The following VPS11 variants were observed in gnomAD, a reference collection of about 807,000 sequenced individuals.
VPS11 encodes the protein VPS11 core subunit of CORVET and HOPS complexes.
Under a neutral mutation model 106.8 loss-of-function variants are expected in VPS11, and 51 were observed. The ratio of observed to expected loss-of-function variants is 0.48; its 90% confidence interval spans 0.38 to 0.60. The LOEUF (loss-of-function observed/expected upper bound fraction) is 0.60, where lower values mean the gene tolerates loss of function less well. VPS11 is among the 20% of genes least tolerant of loss of function. The probability of loss-of-function intolerance (pLI) is 0.00; values close to 1 mark genes in which losing one functional copy is unlikely to be tolerated. For missense variants in VPS11, 950 were observed against 1,190.0 expected (o/e 0.80, Z 2.97); for synonymous variants, 453 against 458.7 (o/e 0.99, Z 0.16).
rs1945857888 is a variant in VPS11, at chr11:119,081,674, C to T, written c.*51C>T. The T allele has an allele frequency of 1.3e-6, 2 of 1,599,048 alleles. No homozygotes were observed. Among genetic ancestry groups the T allele is most frequent in the East Asian group, 2.2e-5 (1 of 44,484 alleles). ...CAGTGGAGGACCAAGAGAACAGACA[C>T]AATGGGACCTGGGCGGGCGTTACAC... On this transcript the variant is annotated 3_prime_UTR_variant, in exon 16 of 16. Coordinates refer to ENST00000621676, the MANE Select transcript of VPS11 (RefSeq NM_021729.6).
intron 7 of VPS11, 162 bp from the exon 8 acceptor site, chr11:119,076,735 C>T (rs1945635066): frequency 2.5e-6 from 2 of 815,282 alleles, no homozygotes; most frequent in African/African-American, 1.7e-5. Context: ...CTAGTAGCAC[C>T]GATATTACCT....
chr11:119,071,495 A>G (rs782791750), intron 4 of VPS11, 101 bp from the exon 5 acceptor site: 36 of 1,462,778 alleles, frequency 2.5e-5, no homozygotes, highest in Non-Finnish European at 2.9e-5. Flanking sequence ...TTAGAATGCC[A>G]AGAGGGAAAA....
In VPS11 at chr11:119,076,917, C is replaced by T. The variant is rs782751048; in HGVS notation, c.1259C>T (p.Pro420Leu). 6.2e-7 allele frequency: 1 copy of T among 1,613,990 alleles called. No homozygotes were observed. Among genetic ancestry groups the T allele is most frequent in the Non-Finnish European group, 8.5e-7 (1 of 1,179,888 alleles). Residue 420 changes from proline to leucine, a missense_variant, in exon 8 of 16, where the codon CCA (proline) becomes CTA (leucine). By Grantham distance (98) the Pro-to-Leu change is moderately conservative. This residue lies in a region of VPS11 where 435 missense variants were observed against 630.2 expected (regional missense o/e 0.69). Coordinates refer to ENST00000621676, the MANE Select transcript of VPS11 (RefSeq NM_021729.6). ...CCTAGAACCATTGGAAAGTTGGAGC[C>T]ATCCTACGTGATCCGCAAGTTTCTG... ...QYIRTIGKLEPSYVIRKFLDA... is the reference protein window; with the variant it reads ...QYIRTIGKLELSYVIRKFLDA...
chr11:119,072,980 C>G, intron 5 of VPS11: 3 of 572,250 alleles, frequency 5.2e-6, no homozygotes, highest in Non-Finnish European at 9.3e-6. Flanking sequence ...ATTTTCTAAT[C>G]TGTTACTTGG....
rs1035411150 is a variant in VPS11 at position 119,077,662 on chromosome 11, C to CT, written c.1572+21dup. 34 of 1,574,700 alleles carry CT rather than the reference C, an allele frequency of 2.2e-5. No homozygotes were observed. The highest frequency in any genetic ancestry group is 2.8e-5 in the Non-Finnish European group (32 of 1,159,952). On this transcript the variant is annotated intron_variant, in intron 9 of 15. Coordinates refer to ENST00000621676, the MANE Select transcript of VPS11 (RefSeq NM_021729.6). ...AAGACATTAAGGTAGGTGAGACTGT[C>CT]TTTTTTCCCCAAGAGACAGGGTCTC...
chr11:119,077,771 A>C (rs1945683962), intron 9 of VPS11, 107 bp from the exon 10 acceptor site: 2 of 1,553,002 alleles, frequency 1.3e-6, no homozygotes, highest in African/African-American at 1.4e-5. Context: ...GAGACTCTCA[A>C]CTTGGGCAGA....
intron 15 of VPS11, 57 bp downstream of exon 15, chr11:119,081,371 T>C: frequency 3.1e-6 from 5 of 1,611,178 alleles, no homozygotes; most frequent in Non-Finnish European, 2.5e-6. Flanking sequence ...ACAGAGTCAC[T>C]GGAGGGCTTG....
At chr11:119,068,994 G>GGTGATC (rs1945247428) in intron 1 of VPS11, among the ~76,000 whole-genome samples, 4 of 12,224 alleles carry the variant, frequency 3.3e-4, no homozygotes, top group African/African-American at 1.7e-3. Flanking sequence ...CAGGTGATCC[G>GGTGATC]CACCCCCCCC....
intron 13 of VPS11, 59 bp from the exon 14 acceptor site, chr11:119,079,070 T>A: frequency 6.2e-7 from 1 of 1,612,088 alleles, no homozygotes. Flanking sequence ...CCTTCACCTT[T>A]ATCCAGAGAG....
In VPS11 at chr11:119,078,640, C is replaced by T; in HGVS notation, c.1999C>T (p.Leu667=). 6.2e-7 allele frequency: 1 copy of T among 1,613,830 alleles called. No homozygotes were observed. Among genetic ancestry groups the T allele is most frequent in the Non-Finnish European group, 8.5e-7 (1 of 1,179,750 alleles). ...GRFCDVFDKA[L]VLCQMHDFQD... ...CTTCTGCGACGTCTTTGACAAGGCCCTGGTCCTGTGCCAGATGCACGACTT... is the reference window on the plus strand; with the variant it reads ...CTTCTGCGACGTCTTTGACAAGGCCTTGGTCCTGTGCCAGATGCACGACTT... Residue 667 remains leucine, a synonymous_variant, in exon 12 of 16, where the codon CTG becomes TTG. Transcript: ENST00000621676.
Position 119,073,302 on chromosome 11 carries a change from T to C in VPS11, c.989T>C (p.Val330Ala), listed in dbSNP as rs782407551. 4.3e-6 allele frequency: 7 copies of C among 1,613,922 alleles called. No homozygotes were observed. Among genetic ancestry groups the C allele is most frequent in the Non-Finnish European group, 5.9e-6 (7 of 1,179,894 alleles). Residue 330 changes from valine (V) to alanine (A), a missense_variant, in exon 6 of 16, where the codon GTA (valine) becomes GCA (alanine). By Grantham distance (64) the Val-to-Ala change is moderately conservative. Transcript: ENST00000621676. ...GCCTATAGCACCGTCTTTGAGGATGTAGTGGATGTGCTTGCTGAGTGGGGC... is the reference window on the plus strand; with the variant it reads ...GCCTATAGCACCGTCTTTGAGGATGCAGTGGATGTGCTTGCTGAGTGGGGC... ...FIAYSTVFED[V>A]VDVLAEWGSL...
chr11:119,068,042 C>T, intron 1 of VPS11, 32 bp downstream of exon 1: 1 of 1,567,246 alleles, frequency 6.4e-7, no homozygotes, highest in South Asian at 1.2e-5. Flanking sequence ...CTTTTCCCTC[C>T]CGGGATCCCG....
At chr11:119,077,405 G>A (rs1592195438) in intron 8 of VPS11, 96 bp from the exon 9 acceptor site, 2 of 1,468,648 alleles carry the variant, frequency 1.4e-6, no homozygotes, top group African/African-American at 1.4e-5. Flanking sequence ...TGAACGTTAT[G>A]ATATCACCTT....
chr11:119,068,996 A>ACCCACCC (rs1945249699), intron 1 of VPS11, among the ~76,000 whole-genome samples, 200 bp from the exon 2 acceptor site: 1 of 11,572 alleles, frequency 8.6e-5, no homozygotes, highest in Non-Finnish European at 1.7e-4. Flanking sequence ...GGTGATCCGC[A>ACCCACCC]CCCCCCCCCC....
In VPS11 at chr11:119,068,443, CCTTTTTTT is replaced by C. The variant is rs1268598286; in HGVS notation, c.187+434_187+441del. 2.1e-3 allele frequency among the ~76,000 whole-genome samples: 75 copies of C among 35,810 alleles called. 3 individuals carry two copies. Among genetic ancestry groups the C allele is most frequent in the Admixed American group, 0.01 (24 of 2,384 alleles). 23.5% of individuals were successfully genotyped at this position (35,810 alleles called of 152,430 possible). On this transcript the variant is annotated intron_variant, in intron 1 of 15. Coordinates refer to ENST00000621676, the MANE Select transcript of VPS11 (RefSeq NM_021729.6). ...CTGCTACTAAATTCTGGCCTTTTTA[CCTTTTTTT>C]TTTTTTTTTTTTTTTTGATACGGAG... is the stretch of plus-strand genomic sequence containing the variant.
chr11:119,072,113 G>A (rs1945418449), intron 5 of VPS11: 1 of 347,834 alleles, frequency 2.9e-6, no homozygotes, highest in South Asian at 3.0e-5. Flanking sequence ...TTACAGGCAT[G>A]TGCCACCACG....
intron 7 of VPS11, among the ~76,000 whole-genome samples, chr11:119,075,381 C>CTTT (rs1945566686): frequency 6.6e-6 from 1 of 151,602 alleles, no homozygotes; most frequent in African/African-American, 2.4e-5. Context: ...ATAGCAAGAC[C>CTTT]CCATTTCTAA....
intron 7 of VPS11, among the ~76,000 whole-genome samples, chr11:119,076,563 A>G (rs1171174680): frequency 6.6e-6 from 1 of 152,100 alleles, no homozygotes; most frequent in Non-Finnish European, 1.5e-5. Flanking sequence ...AAAATAATGT[A>G]AAAGAAAGAG....
Position 119,067,842 on chromosome 11 carries a change from T to C in VPS11, c.19T>C (p.Trp7Arg). 6.4e-7 allele frequency: 1 copy of C among 1,551,706 alleles called. No individual in the cohort carries two copies. Among genetic ancestry groups the C allele is most frequent in the Non-Finnish European group, 8.7e-7 (1 of 1,146,238 alleles). MAAYLQ[W>R]RRFVFFDKEL... The stretch of plus-strand genomic sequence containing the variant: ...GGCCAAAATGGCGGCCTACCTGCAG[T>C]GGCGGCGCTTCGTTTTCTTCGACAA... Residue 7 changes from tryptophan (W) to arginine (R), a missense_variant, in exon 1 of 16, where the codon TGG (tryptophan) becomes CGG (arginine). By Grantham distance (101) the Trp-to-Arg change is moderately radical. Coordinates refer to ENST00000621676, the MANE Select transcript of VPS11 (RefSeq NM_021729.6).
Sources: gnomAD v4.1 joint callset for allele counts (sites outside exome capture counted in the v4.1 genomes callset) on GRCh38, gnomAD v4.1.1 for gene constraint, gnomAD v4.1.1 regional missense constraint, MANE v1.5 for transcripts, NCBI Gene and HGNC (gene_info 2026-07-23, HGNC 2026-07-21) for gene names.